Variants in NUGGC observed in about 807,000 individuals in gnomAD.
NUGGC encodes the protein nuclear GTPase, germinal center associated.
A neutral mutation model predicts 92.6 loss-of-function variants in NUGGC; 58 were observed. That is an observed-to-expected ratio of 0.63 (90% confidence interval 0.51 to 0.78). The LOEUF (loss-of-function observed/expected upper bound fraction) is 0.78. Among genes scored for constraint, NUGGC ranks in the 30% least tolerant of loss-of-function variants. The pLI, the probability that NUGGC is intolerant of heterozygous loss-of-function variation, is 0.00. For missense variants in NUGGC, 925 were observed against 964.6 expected (o/e 0.96, Z 0.54); for synonymous variants, 376 against 366.4 (o/e 1.03, Z -0.30).
At chr8:28,080,013 C>T (rs1563235191) in intron 1 of NUGGC, among the ~76,000 whole-genome samples, 1 of 152,168 alleles carries the variant, frequency 6.6e-6, no homozygotes, top group Non-Finnish European at 1.5e-5. Flanking sequence ...ATGATCTCAG[C>T]TCACTGCAAC....
chr8:28,060,023 A>G (rs1810256684), intron 8 of NUGGC, among the ~76,000 whole-genome samples: 1 of 151,730 alleles, frequency 6.6e-6, no homozygotes, highest in Non-Finnish European at 1.5e-5. Context: ...TCTGTGCCAA[A>G]AAAAAAAAAG....
Position 28,022,423 on chromosome 8 carries a change from G to C in NUGGC, c.*894C>G, listed in dbSNP as rs1809141533. The C allele has an allele frequency of 2.0e-5, 3 of 151,018 alleles. No homozygotes were observed. Among genetic ancestry groups the C allele is most frequent in the African/African-American group, 7.3e-5 (3 of 41,346 alleles). 9.4% of individuals were successfully genotyped at this position (151,018 alleles called of 1,614,324 possible). A position where few individuals can be genotyped will look rare whatever the true frequency, so the allele number is the denominator to read the frequency against. Reference sequence around the variant, plus strand: ...TCCGCCCGCCTCAGCCTCCCAAAGTGCTGGGATTACGGGAGTGAGCCACCA... The same window carrying C: ...TCCGCCCGCCTCAGCCTCCCAAAGTCCTGGGATTACGGGAGTGAGCCACCA... On this transcript the variant is annotated 3_prime_UTR_variant, in exon 19 of 19. Transcript: ENST00000413272.
intron 13 of NUGGC, among the ~76,000 whole-genome samples, chr8:28,037,278 G>A (rs1809578568): frequency 6.6e-6 from 1 of 152,090 alleles, no homozygotes; most frequent in African/African-American, 2.4e-5. Flanking sequence ...TCTTCAACCT[G>A]GTCTAAAGTC....
At chr8:28,025,377 A>AAACTG (rs1187578624) in intron 18 of NUGGC, among the ~76,000 whole-genome samples, 2 of 152,242 alleles carry the variant, frequency 1.3e-5, no homozygotes, top group Non-Finnish European at 2.9e-5. Flanking sequence ...TGCACTTGAC[A>AAACTG]TCAAACTGAG....
At chr8:28,055,909 C>G in intron 10 of NUGGC, 56 bp downstream of exon 10, 1 of 978,862 alleles carries the variant, frequency 1.0e-6, no homozygotes, top group South Asian at 1.5e-5. Context: ...ACATTTGTCT[C>G]CCAAAATCTA....
rs779530029 is a variant in NUGGC, at chr8:28,038,940, G to A, written c.1611+2111C>T. 5.9e-5 allele frequency among the ~76,000 whole-genome samples: 9 copies of A among 152,088 alleles called. No homozygotes were observed. The East Asian group carries it at 1.2e-3, about 20-fold the overall frequency. On this transcript the variant is annotated intron_variant, in intron 13 of 18. Coordinates refer to ENST00000413272, the MANE Select transcript of NUGGC (RefSeq NM_001010906.2). Reference sequence around the variant, plus strand: ...GGCTGTGAGGATGGGATAAGGTAACGTGCAGTATCTGATTCCACAGTCAGC... The same window carrying A: ...GGCTGTGAGGATGGGATAAGGTAACATGCAGTATCTGATTCCACAGTCAGC...
At chr8:28,081,521 T>C (rs1563235834) in intron 1 of NUGGC, among the ~76,000 whole-genome samples, 2 of 152,134 alleles carry the variant, frequency 1.3e-5, no homozygotes, top group Non-Finnish European at 2.9e-5. Flanking sequence ...TAGCTGAGAT[T>C]CTGACTCCCG....
chr8:28,027,124 C>A, intron 17 of NUGGC, 72 bp from the exon 18 acceptor site: 1 of 1,198,556 alleles, frequency 8.3e-7, no homozygotes. Context: ...AAAAGGGACC[C>A]CACCCAGTCC....
Position 28,069,539 on chromosome 8 carries a change from C to T in NUGGC, c.257+5G>A. 2 of 1,456,730 alleles carry T rather than the reference C, an allele frequency of 1.4e-6. No individual in the cohort carries two copies. Among genetic ancestry groups the T allele is most frequent in the Non-Finnish European group, 1.9e-6 (2 of 1,041,672 alleles). 90.2% of individuals were successfully genotyped at this position (1,456,730 alleles called of 1,614,324 possible). A position where few individuals can be genotyped will look rare whatever the true frequency, so the allele number is the denominator to read the frequency against. Reference sequence around the variant, plus strand: ...AAATTTCAGGGTTGCAGATTTCAGACTCACATGAGATACTTGACTCCATTA... The same window carrying T: ...AAATTTCAGGGTTGCAGATTTCAGATTCACATGAGATACTTGACTCCATTA... On this transcript the variant is annotated splice_donor_5th_base_variant and intron_variant, in intron 4 of 18. Transcript: ENST00000413272.
chr8:28,040,340 G>C (rs1809660667), intron 13 of NUGGC, among the ~76,000 whole-genome samples: 1 of 152,168 alleles, frequency 6.6e-6, no homozygotes, highest in African/African-American at 2.4e-5. Context: ...TTTCCTCATT[G>C]TGTAAGCTCA....
intron 10 of NUGGC, among the ~76,000 whole-genome samples, chr8:28,054,714 C>T (rs896024593): frequency 2.6e-5 from 4 of 152,034 alleles, no homozygotes; most frequent in African/African-American, 7.2e-5. Context: ...AGTGCCTTCT[C>T]GACTTTTTCA....
intron 14 of NUGGC, 22 bp downstream of exon 14, chr8:28,033,518 T>A (rs771716486): frequency 6.2e-7 from 1 of 1,607,436 alleles, no homozygotes; most frequent in East Asian, 2.2e-5. Flanking sequence ...TTCCCGAAGG[T>A]GCAAGATGAG....
chr8:28,083,318 T>C (rs1264706495), intron 1 of NUGGC, among the ~76,000 whole-genome samples: 1 of 152,020 alleles, frequency 6.6e-6, no homozygotes, highest in African/African-American at 2.4e-5. Flanking sequence ...AACCCATAAC[T>C]CCAGTCTAAT....
chr8:28,038,477 G>A (rs1383612574), intron 13 of NUGGC, among the ~76,000 whole-genome samples: 1 of 152,126 alleles, frequency 6.6e-6, no homozygotes, highest in African/African-American at 2.4e-5. Context: ...AGGTACCGTG[G>A]TCCTCAATTT....
intron 16 of NUGGC, among the ~76,000 whole-genome samples, chr8:28,029,957 A>G (rs1809372665): frequency 6.6e-6 from 1 of 152,230 alleles, no homozygotes; most frequent in Admixed American, 6.5e-5. Flanking sequence ...CAGAGCCACC[A>G]AAACAGGAAA....
At chr8:28,071,141 A>G (rs892725613) in intron 2 of NUGGC, among the ~76,000 whole-genome samples, 2 of 152,206 alleles carry the variant, frequency 1.3e-5, no homozygotes, top group African/African-American at 4.8e-5. Context: ...GTAGAGTTCA[A>G]TCTATCTCCC....
rs575898084 is a variant in NUGGC, at chr8:28,070,513, G to A, written c.44-157C>T. On this transcript the variant is annotated intron_variant, in intron 2 of 18. Coordinates refer to ENST00000413272, the MANE Select transcript of NUGGC (RefSeq NM_001010906.2). ...AGCATGAGGGATTACATGCCTGGGA[G>A]GCCAAGGTGGGAGGATTGCTTGAGG... 3.9e-5 allele frequency among the ~76,000 whole-genome samples: 6 copies of A among 152,004 alleles called. No individual in the cohort carries two copies. In the South Asian group the frequency reaches 1.3e-3, roughly 32 times the overall value.
intron 2 of NUGGC, among the ~76,000 whole-genome samples, chr8:28,073,026 C>T (rs370742837): frequency 2.7e-5 from 4 of 148,808 alleles, no homozygotes; most frequent in African/African-American, 7.5e-5. Context: ...TTTTTTGAGA[C>T]GAGGTCTCCA....
At chr8:28,043,892 A>C (rs1281600001) in intron 12 of NUGGC, among the ~76,000 whole-genome samples, 2 of 152,240 alleles carry the variant, frequency 1.3e-5, no homozygotes, top group African/African-American at 2.4e-5. Flanking sequence ...GGACAAAGTC[A>C]AATAAGAAAA....
Sources: gnomAD v4.1 joint callset for allele counts (sites outside exome capture counted in the v4.1 genomes callset) on GRCh38, gnomAD v4.1.1 for gene constraint, MANE v1.5 for transcripts, NCBI Gene and HGNC (gene_info 2026-07-23, HGNC 2026-07-21) for gene names.